FOXJ3: variants seen among roughly 807,000 people sequenced by gnomAD.
FOXJ3 encodes the protein forkhead box J3.
A neutral mutation model predicts 76.1 loss-of-function variants in FOXJ3; 22 were observed. The ratio of observed to expected loss-of-function variants is 0.29; its 90% CI spans 0.21 to 0.41. FOXJ3 has a LOEUF of 0.41. Among genes scored for constraint, FOXJ3 ranks in the 10% least tolerant of loss-of-function variants. The pLI is 1.00. For synonymous variants in FOXJ3, 269 were observed against 261.2 expected (o/e 1.03, Z -0.29); for missense variants, 613 against 762.1 (o/e 0.80, Z 2.30).
intron 2 of FOXJ3, among the ~76,000 whole-genome samples, chr1:42,286,509 G>A (rs531432643): frequency 3.3e-5 from 5 of 152,234 alleles, no homozygotes; most frequent in South Asian, 2.1e-4. Flanking sequence ...CACCCCAAAG[G>A]ACTGTTGTAA....
intron 8 of FOXJ3, among the ~76,000 whole-genome samples, chr1:42,192,923 G>T (rs1646579068): frequency 6.6e-6 from 1 of 152,102 alleles, no homozygotes. Context: ...GTTAATAAAA[G>T]TTCTTGCCTT....
chr1:42,209,861 C>G (rs899656847), intron 5 of FOXJ3, among the ~76,000 whole-genome samples: 2 of 152,176 alleles, frequency 1.3e-5, no homozygotes, highest in African/African-American at 4.8e-5. Flanking sequence ...GCAGATGGAA[C>G]CCCTTGGCCA....
At chr1:42,320,851 A>G (rs1006246518) in intron 1 of FOXJ3, among the ~76,000 whole-genome samples, 5 of 152,200 alleles carry the variant, frequency 3.3e-5, no homozygotes, top group African/African-American at 7.2e-5. Flanking sequence ...GAGCTCAGTT[A>G]TATTTAGAAA....
chr1:42,263,878 A>T (rs530957109), intron 4 of FOXJ3, among the ~76,000 whole-genome samples: 3 of 150,118 alleles, frequency 2.0e-5, no homozygotes, highest in African/African-American at 7.3e-5. Flanking sequence ...TTTTAAGGGC[A>T]GTAGATAACT....
At chr1:42,274,416 T>C (rs1192862160) in intron 3 of FOXJ3, among the ~76,000 whole-genome samples, 1 of 152,196 alleles carries the variant, frequency 6.6e-6, no homozygotes, top group Non-Finnish European at 1.5e-5. Context: ...ATTTATTAAG[T>C]ATTTAATATA....
intron 4 of FOXJ3, among the ~76,000 whole-genome samples, chr1:42,251,462 C>T (rs1350546044): frequency 1.4e-5 from 2 of 140,484 alleles, no homozygotes; most frequent in African/African-American, 5.0e-5. Context: ...CAGATGATAC[C>T]GTTAGGCTGA....
At chr1:42,272,360 C>A (rs72674599) in intron 3 of FOXJ3, among the ~76,000 whole-genome samples, 26 of 152,196 alleles carry the variant, frequency 1.7e-4, no homozygotes, top group African/African-American at 6.3e-4. Context: ...ACAAGGCCTG[C>A]GCAAAGGAGA....
At chr1:42,303,812 A>C (rs1654301623) in intron 2 of FOXJ3, among the ~76,000 whole-genome samples, 1 of 152,174 alleles carries the variant, frequency 6.6e-6, no homozygotes, top group Admixed American at 6.5e-5. Context: ...AAACCCTCTA[A>C]TAAATGTTAG....
At chr1:42,283,206 A>G (rs1174683908) in intron 2 of FOXJ3, among the ~76,000 whole-genome samples, 4 of 152,244 alleles carry the variant, frequency 2.6e-5, no homozygotes, top group African/African-American at 7.2e-5. Flanking sequence ...GGAGAAAGCA[A>G]AGCACAGAGA....
At position 42,207,183 on chromosome 1, in the gene FOXJ3, T is replaced by A. The variant is rs149066417; in HGVS notation, c.529-1320A>T. 8.5e-4 allele frequency among the ~76,000 whole-genome samples: 130 copies of A among 152,270 alleles called. 1 individual carries two copies. In the East Asian group the frequency reaches 0.02, roughly 24 times the overall value. On this transcript the variant is annotated intron_variant, in intron 5 of 12. Transcript: ENST00000361346. ...ATCCATTAATCAACCTGTCTTCATA[T>A]CCCTTCCCCCTACCCTTCCTGGCCT...
intron 4 of FOXJ3, among the ~76,000 whole-genome samples, chr1:42,256,631 T>C (rs145819302): frequency 6.6e-6 from 1 of 152,300 alleles, no homozygotes; most frequent in East Asian, 1.9e-4. Context: ...GGTATTGCTG[T>C]TGGGAATGTA....
chr1:42,228,968 A>G (rs1197992271), intron 4 of FOXJ3, among the ~76,000 whole-genome samples: 3 of 152,174 alleles, frequency 2.0e-5, no homozygotes, highest in Admixed American at 6.5e-5. Context: ...ACGCTTAACA[A>G]TGAGGGGAAA....
chr1:42,222,359 C>G (rs1274420190), intron 5 of FOXJ3, among the ~76,000 whole-genome samples: 1 of 152,038 alleles, frequency 6.6e-6, no homozygotes, highest in Admixed American at 6.5e-5. Context: ...TCTCAAAAAC[C>G]CTTATCTTTC....
At chr1:42,260,144 CTTCT>C (rs954133537) in intron 4 of FOXJ3, among the ~76,000 whole-genome samples, 20 of 152,198 alleles carry the variant, frequency 1.3e-4, no homozygotes, top group African/African-American at 3.6e-4. Flanking sequence ...TCTTATCTTC[CTTCT>C]TTAAGGTAAT....
intron 4 of FOXJ3, among the ~76,000 whole-genome samples, chr1:42,228,450 C>G (rs920676747): frequency 6.6e-6 from 1 of 151,648 alleles, no homozygotes; most frequent in South Asian, 2.1e-4. Context: ...TTACTGCTTA[C>G]TCTGTCGTGA....
At chr1:42,273,261 T>G (rs1651995443) in intron 3 of FOXJ3, among the ~76,000 whole-genome samples, 1 of 152,230 alleles carries the variant, frequency 6.6e-6, no homozygotes, top group African/African-American at 2.4e-5. Context: ...TCTCATCTAA[T>G]AAAGATTGTA....
rs544074430 is a variant in FOXJ3, at chr1:42,211,731, A to C, written c.529-5868T>G. Among the ~76,000 whole-genome samples the C allele has an allele frequency of 3.9e-5, 6 of 152,340 alleles. No homozygotes were observed. In the South Asian group the frequency reaches 1.2e-3, roughly 32 times the overall value. ...CACTGGAGATAGTGAGCCTGCTCAC[A>C]CATCCAGCACAATGCTACTACAACC... On this transcript the variant is annotated intron_variant, in intron 5 of 12. Transcript: ENST00000361346.
intron 4 of FOXJ3, among the ~76,000 whole-genome samples, chr1:42,244,292 C>A (rs1352905372): frequency 6.6e-6 from 1 of 152,186 alleles, no homozygotes; most frequent in East Asian, 1.9e-4. Context: ...AAACCAAACA[C>A]AAAATTAATA....
chr1:42,195,214 A>G (rs1444659593), intron 7 of FOXJ3, 150 bp from the exon 8 acceptor site: 1 of 554,288 alleles, frequency 1.8e-6, no homozygotes, highest in Non-Finnish European at 3.0e-6. Context: ...CTGTTAAAGC[A>G]TAATGGACAG....
Sources: gnomAD v4.1 joint callset for allele counts (sites outside exome capture counted in the v4.1 genomes callset) on GRCh38, gnomAD v4.1.1 for gene constraint, MANE v1.5 for transcripts, NCBI Gene and HGNC (gene_info 2026-07-23, HGNC 2026-07-21) for gene names.